The following ADAMTSL3 variants were observed in gnomAD, a reference collection of about 807,000 sequenced individuals.
ADAMTSL3 encodes ADAMTS like 3.
ADAMTSL3 carries 128 observed loss-of-function variants against 201.7 expected under a neutral mutation model. The observed-to-expected ratio is 0.63, with a 90% CI of 0.55 to 0.73. The LOEUF is 0.73. Ranked by LOEUF, ADAMTSL3 falls within the 30% of genes least tolerant of loss-of-function variation. The pLI, the probability that ADAMTSL3 is intolerant of heterozygous loss-of-function variation, is 0.00. For missense variants in ADAMTSL3, 1,990 were observed against 2,119.6 expected (o/e 0.94, Z 1.20); for synonymous variants, 738 against 748.4 (o/e 0.99, Z 0.23).
chr15:83,763,707 C>A (rs10083603), intron 3 of ADAMTSL3, among the ~76,000 whole-genome samples: 149,905 of 152,218 alleles, frequency 0.98, 73,825 homozygotes, highest in East Asian at 1. Context: ...AGGTTTCACC[C>A]TGTTAGCCAG....
chr15:84,020,861 ATTAT>A (rs1337008807), intron 25 of ADAMTSL3, among the ~76,000 whole-genome samples: 3 of 152,266 alleles, frequency 2.0e-5, no homozygotes, highest in Admixed American at 1.3e-4. Context: ...TCTGTGACAA[ATTAT>A]TTATGCAGTC....
chr15:83,709,743 G>A (rs1324224083), intron 3 of ADAMTSL3, among the ~76,000 whole-genome samples: 4 of 152,144 alleles, frequency 2.6e-5, no homozygotes, highest in African/African-American at 7.2e-5. Flanking sequence ...GTTAGGAAAA[G>A]TTGTTTTTTG....
In ADAMTSL3 at chr15:83,942,699, G is replaced by C. The variant is rs77587097; in HGVS notation, c.2221G>C (p.Glu741Gln). ...CCCAGGGGAGACCCCTGCCCCTCCT[G>C]AGGAGTGCCGAGATGAAAAGCCCCA... is the stretch of plus-strand genomic sequence containing the variant. Reference protein sequence around the residue: ...LHPGETPAPPEECRDEKPHAL... With the variant: ...LHPGETPAPPQECRDEKPHAL... Residue 741 changes from glutamate to glutamine, a missense_variant, in exon 18 of 30, where the codon GAG (glutamate) becomes CAG (glutamine). Coordinates refer to ENST00000286744, the MANE Select transcript of ADAMTSL3 (RefSeq NM_207517.3). The C allele has an allele frequency of 2.5e-6, 4 of 1,613,996 alleles. No homozygotes were observed. The highest frequency in any genetic ancestry group is 3.4e-6 in the Non-Finnish European group (4 of 1,179,970).
chr15:84,005,556 A>G (rs2067878368), intron 23 of ADAMTSL3, among the ~76,000 whole-genome samples: 2 of 152,188 alleles, frequency 1.3e-5, no homozygotes, highest in Admixed American at 6.5e-5. Flanking sequence ...TTTCTAGCCT[A>G]TAAATAAGAC....
Position 84,021,651 on chromosome 15 carries a change from G to A in ADAMTSL3, c.4457+58G>A, listed in dbSNP as rs754173908. On this transcript the variant is annotated intron_variant, in intron 26 of 29. Coordinates refer to ENST00000286744, the MANE Select transcript of ADAMTSL3 (RefSeq NM_207517.3). Reference sequence around the variant, plus strand: ...ACCAAGTTTTTGTTTGTTTTGAAAGGTGCAGTGATTTGGACATAATAATTC... The same window carrying A: ...ACCAAGTTTTTGTTTGTTTTGAAAGATGCAGTGATTTGGACATAATAATTC... 2.5e-5 allele frequency: 40 copies of A among 1,574,328 alleles called. No individual in the cohort carries two copies. In the African/African-American group the frequency reaches 4.4e-4, roughly 17 times the overall value.
intron 8 of ADAMTSL3, among the ~76,000 whole-genome samples, chr15:83,867,642 A>G (rs762206591): frequency 4.6e-5 from 7 of 152,348 alleles, no homozygotes; most frequent in Non-Finnish European, 1.0e-4. Flanking sequence ...TGAAATTAGC[A>G]TATGCTATAG....
In ADAMTSL3 at chr15:83,988,773, AATC is replaced by A. The variant is rs774198306; in HGVS notation, c.3803_3805del (p.His1268del). On this transcript the variant is annotated inframe_deletion, in exon 22 of 30. Transcript: ENST00000286744. The stretch of plus-strand genomic sequence containing the variant: ...AGGCATATATGAATGTTCTGTAGCT[AATC>A]ATCTTGGTTCAGATGTGGAAAGTTC... 8.1e-6 allele frequency: 13 copies of A among 1,608,516 alleles called. No homozygotes were observed. In the Admixed American group the frequency reaches 2.2e-4, roughly 27 times the overall value.
At chr15:83,869,078 G>T (rs1041413093) in intron 8 of ADAMTSL3, among the ~76,000 whole-genome samples, 1 of 152,144 alleles carries the variant, frequency 6.6e-6, no homozygotes, top group East Asian at 1.9e-4. Context: ...TCCATTGCAC[G>T]CTACTTGAAT....
chr15:83,687,986 G>T (rs539468279), intron 2 of ADAMTSL3, among the ~76,000 whole-genome samples: 3 of 152,296 alleles, frequency 2.0e-5, no homozygotes, highest in East Asian at 3.9e-4. Flanking sequence ...TAACACAGTG[G>T]AAAACCACAA....
chr15:83,948,233 C>A (rs530063473), intron 19 of ADAMTSL3, among the ~76,000 whole-genome samples: 1 of 152,122 alleles, frequency 6.6e-6, no homozygotes, highest in Non-Finnish European at 1.5e-5. Context: ...TCTTACTGGC[C>A]AGTGAGAACC....
intron 2 of ADAMTSL3, among the ~76,000 whole-genome samples, chr15:83,697,080 A>G (rs1015348951): frequency 2.0e-5 from 3 of 152,184 alleles, no homozygotes; most frequent in Non-Finnish European, 4.4e-5. Flanking sequence ...AGAAGTGTTC[A>G]GACTGGCTTG....
chr15:83,742,747 AT>A (rs1478617685), intron 3 of ADAMTSL3, among the ~76,000 whole-genome samples: 3 of 152,198 alleles, frequency 2.0e-5, no homozygotes, highest in Non-Finnish European at 4.4e-5. Context: ...TGTTTCAGAA[AT>A]TTTGACTGGC....
At chr15:83,898,113 T>C in intron 14 of ADAMTSL3, 108 bp downstream of exon 14, 6 of 1,312,000 alleles carry the variant, frequency 4.6e-6, no homozygotes, top group Non-Finnish European at 6.3e-6. Flanking sequence ...AAAAATTGTT[T>C]TATTGACAGA....
intron 3 of ADAMTSL3, among the ~76,000 whole-genome samples, chr15:83,741,030 C>T (rs1310909146): frequency 6.6e-6 from 1 of 151,900 alleles, no homozygotes; most frequent in Non-Finnish European, 1.5e-5. Context: ...ACATGTATTT[C>T]CTATGTAATA....
At chr15:84,016,884 A>G (rs1172248420) in intron 25 of ADAMTSL3, among the ~76,000 whole-genome samples, 1 of 152,206 alleles carries the variant, frequency 6.6e-6, no homozygotes, top group Non-Finnish European at 1.5e-5. Flanking sequence ...TTTTCCATAC[A>G]CACCAACTTT....
At chr15:83,990,502 C>T (rs1225657423) in intron 22 of ADAMTSL3, among the ~76,000 whole-genome samples, 1 of 152,154 alleles carries the variant, frequency 6.6e-6, no homozygotes, top group Non-Finnish European at 1.5e-5. Context: ...ACAGAGTGGA[C>T]ACTTGGTAAA....
chr15:83,978,673 C>A (rs2067331262), intron 20 of ADAMTSL3, among the ~76,000 whole-genome samples: 1 of 152,222 alleles, frequency 6.6e-6, no homozygotes, highest in South Asian at 2.1e-4. Flanking sequence ...ACTGTGGAAC[C>A]TGGCAGCCTG....
At chr15:83,937,832 A>G (rs550023675) in intron 17 of ADAMTSL3, among the ~76,000 whole-genome samples, 3 of 150,984 alleles carry the variant, frequency 2.0e-5, no homozygotes. Context: ...GTTCCTAGGT[A>G]TAAGCAGTAT....
At chr15:83,816,233 T>C (rs560024847) in intron 5 of ADAMTSL3, among the ~76,000 whole-genome samples, 1 of 152,334 alleles carries the variant, frequency 6.6e-6, no homozygotes, top group Non-Finnish European at 1.5e-5. Context: ...ATAAAAGAAA[T>C]GGCCAGTCCA....
Sources: gnomAD v4.1 joint callset for allele counts (sites outside exome capture counted in the v4.1 genomes callset) on GRCh38, gnomAD v4.1.1 for gene constraint, MANE v1.5 for transcripts, NCBI Gene and HGNC (gene_info 2026-07-23, HGNC 2026-07-21) for gene names.